Variants in ADAM32 observed in about 807,000 individuals in gnomAD.
The protein encoded by ADAM32 is ADAM metallopeptidase domain 32.
Under a neutral mutation model 114.9 loss-of-function variants are expected in ADAM32, and 89 were observed. The observed-to-expected ratio is 0.77, with a 90% CI of 0.65 to 0.92. The LOEUF is 0.92. Ranked by LOEUF, ADAM32 falls within the 40% of genes least tolerant of loss-of-function variation. The pLI is 0.00. For synonymous variants in ADAM32, 285 were observed against 307.5 expected (o/e 0.93, Z 0.77); for missense variants, 870 against 932.8 (o/e 0.93, Z 0.88).
chr8:39,276,509 G>A (rs564721946), intron 22 of ADAM32, among the ~76,000 whole-genome samples: 22 of 152,272 alleles, frequency 1.4e-4, no homozygotes, highest in African/African-American at 5.3e-4. Context: ...CTGAGTTACA[G>A]TTTTTATATA....
At chr8:39,197,916 G>A (rs550612141) in intron 11 of ADAM32, among the ~76,000 whole-genome samples, 2 of 152,292 alleles carry the variant, frequency 1.3e-5, no homozygotes, top group East Asian at 3.9e-4. Flanking sequence ...CAAGAGGGGT[G>A]TTGGAGTCAA....
chr8:39,263,157 G>GT (rs1198604533), intron 19 of ADAM32, among the ~76,000 whole-genome samples: 1 of 152,092 alleles, frequency 6.6e-6, no homozygotes, highest in Non-Finnish European at 1.5e-5. Flanking sequence ...GTAATAATCT[G>GT]TTTGATGGTT....
chr8:39,153,608 C>G (rs1803975887), intron 6 of ADAM32, among the ~76,000 whole-genome samples: 1 of 152,194 alleles, frequency 6.6e-6, no homozygotes, highest in African/African-American at 2.4e-5. Flanking sequence ...TTTCTTGTTA[C>G]AGGTCAGGAC....
chr8:39,204,322 T>C (rs1168097673), intron 11 of ADAM32, among the ~76,000 whole-genome samples: 2 of 152,258 alleles, frequency 1.3e-5, no homozygotes, highest in African/African-American at 4.8e-5. Context: ...TTGGAGACTT[T>C]GTTCATTTCT....
chr8:39,144,900 G>A (rs989091145), intron 3 of ADAM32, among the ~76,000 whole-genome samples: 3 of 152,134 alleles, frequency 2.0e-5, no homozygotes, highest in African/African-American at 7.2e-5. Flanking sequence ...GATCTTATAT[G>A]TAGATTACTT....
intron 11 of ADAM32, among the ~76,000 whole-genome samples, chr8:39,188,793 A>G (rs1185449603): frequency 6.6e-6 from 1 of 152,138 alleles, no homozygotes; most frequent in Non-Finnish European, 1.5e-5. Context: ...TTTCATATAT[A>G]ATCTCCAATT....
At chr8:39,269,038 C>A (rs1812545222) in intron 19 of ADAM32, among the ~76,000 whole-genome samples, 1 of 152,220 alleles carries the variant, frequency 6.6e-6, no homozygotes, top group African/African-American at 2.4e-5. Context: ...CCCTCACTGG[C>A]AAGCATTTAT....
chr8:39,148,789 A>G (rs1803656442), intron 4 of ADAM32, among the ~76,000 whole-genome samples: 1 of 152,188 alleles, frequency 6.6e-6, no homozygotes, highest in Admixed American at 6.5e-5. Context: ...GCAGTGTGTT[A>G]ATAAGAAATC....
chr8:39,230,606 G>A (rs1338963412), intron 14 of ADAM32, among the ~76,000 whole-genome samples: 2 of 152,128 alleles, frequency 1.3e-5, no homozygotes, highest in African/African-American at 4.8e-5. Context: ...TATTGAACTG[G>A]TTAAACATTG....
intron 14 of ADAM32, among the ~76,000 whole-genome samples, chr8:39,225,773 C>T (rs1263022481): frequency 2.2e-5 from 3 of 139,030 alleles, no homozygotes; most frequent in African/African-American, 7.5e-5. Context: ...GCCTTTTTCC[C>T]ACCCATGGAG....
intron 16 of ADAM32, 99 bp from the exon 17 acceptor site, chr8:39,245,984 G>T: frequency 2.1e-6 from 2 of 944,894 alleles, no homozygotes; most frequent in East Asian, 2.6e-5. Context: ...TTGTATCATT[G>T]AATGGCTATG....
At chr8:39,158,535 C>T (rs994855331) in intron 6 of ADAM32, 15 of 339,420 alleles carry the variant, frequency 4.4e-5, no homozygotes, top group African/African-American at 2.5e-4. Context: ...GCTTCCCACA[C>T]GATGTGTCAT....
Position 39,211,211 on chromosome 8 carries a change from G to T in ADAM32, c.1120G>T (p.Val374Leu). The change falls in exon 12 of 25, where the codon GTG (valine) becomes TTG (leucine). Residue 374 changes from valine to leucine, a missense_variant. Physicochemically the swap from Val to Leu is conservative, Grantham distance 32. Transcript: ENST00000379907. ...GAGCTTTCAAAATTTCATTTCAAAT[G>T]TGGGTGTCAAATGTCTTCAGAATAA... ...LRSFQNFISN[V>L]GVKCLQNKPQ... The T allele has an allele frequency of 6.2e-7, 1 of 1,607,260 alleles. No individual in the cohort carries two copies. Among genetic ancestry groups the T allele is most frequent in the Non-Finnish European group, 8.5e-7 (1 of 1,177,338 alleles).
chr8:39,231,988 A>T (rs1206233016), intron 14 of ADAM32, 39 bp from the exon 15 acceptor site: 1 of 1,491,016 alleles, frequency 6.7e-7, no homozygotes, highest in Non-Finnish European at 9.3e-7. Context: ...TGAAAAACCA[A>T]TAAACATTTT....
At chr8:39,228,631 A>G (rs1053899919) in intron 14 of ADAM32, among the ~76,000 whole-genome samples, 2 of 152,194 alleles carry the variant, frequency 1.3e-5, no homozygotes, top group Admixed American at 6.5e-5. Context: ...AACAAAGACA[A>G]GGGAAAAAGA....
At position 39,117,178 on chromosome 8, in the gene ADAM32, G is replaced by C. The variant is rs149617119; in HGVS notation, c.59-908G>C. The stretch of plus-strand genomic sequence containing the variant: ...ATTACAGGCATGAGCCACCATGCCC[G>C]GCCCTGTTAAGCAGATTTAAGGAAA... On this transcript the variant is annotated intron_variant, in intron 1 of 24. Transcript: ENST00000379907. Among the ~76,000 whole-genome samples, 184 of 152,284 alleles carry C rather than the reference G, an allele frequency of 1.2e-3. 1 individual carries two copies. The highest frequency in any genetic ancestry group is 4.1e-3 in the African/African-American group (171 of 41,562).
chr8:39,160,780 A>G lies in ADAM32; in HGVS notation c.526-117A>G, dbSNP rs910530147. The G allele has an allele frequency of 5.9e-5, 51 of 869,020 alleles. No individual in the cohort carries two copies. In the African/African-American group the frequency reaches 8.9e-4, roughly 15 times the overall value. 53.8% of individuals were successfully genotyped at this position (869,020 alleles called of 1,614,324 possible). A position where few individuals can be genotyped will look rare whatever the true frequency, so the allele number is the denominator to read the frequency against. On this transcript the variant is annotated intron_variant, in intron 6 of 24. Coordinates refer to ENST00000379907, the MANE Select transcript of ADAM32 (RefSeq NM_145004.7). ...TTATTTATTAATTTTAACCAATTTG[A>G]TAAAGCAAACACCTCTGCATATCTT...
chr8:39,212,233 CA>C (rs942492931), intron 12 of ADAM32, among the ~76,000 whole-genome samples: 3 of 151,982 alleles, frequency 2.0e-5, no homozygotes, highest in African/African-American at 7.3e-5. Flanking sequence ...AGGCTGGTCT[CA>C]AACTCCTGAC....
chr8:39,194,711 G>A (rs1806842147), intron 11 of ADAM32, among the ~76,000 whole-genome samples: 1 of 152,152 alleles, frequency 6.6e-6, no homozygotes, highest in African/African-American at 2.4e-5. Flanking sequence ...GAGTCCACCA[G>A]TTAGAGGGGT....
Sources: allele counts gnomAD v4.1 joint callset (sites outside exome capture counted in the v4.1 genomes callset), GRCh38; gene constraint gnomAD v4.1.1; transcripts MANE v1.5; gene names NCBI Gene and HGNC (gene_info 2026-07-23, HGNC 2026-07-21).